IL2RB: variants seen among roughly 807,000 people sequenced by gnomAD.
IL2RB encodes interleukin-2 receptor subunit beta.
In IL2RB, 17 loss-of-function variants were observed where a neutral mutation model predicts 44.2. The observed-to-expected ratio is 0.38, with a 90% CI of 0.26 to 0.58. IL2RB has a LOEUF of 0.58. Ranked by LOEUF, IL2RB falls within the 20% of genes least tolerant of loss-of-function variation. The pLI is 0.63. For missense variants in IL2RB, 624 were observed against 685.5 expected (o/e 0.91, Z 1.00); for synonymous variants, 286 against 297.9 (o/e 0.96, Z 0.41).
At chr22:37,165,077 C>T (rs1024268044) in intron 1 of IL2RB, among the ~76,000 whole-genome samples, 1 of 152,234 alleles carries the variant, frequency 6.6e-6, no homozygotes, top group Non-Finnish European at 1.5e-5. Context: ...CTGACAACAG[C>T]ACTTGCAGAC....
At chr22:37,161,076 A>T (rs1922851054) in intron 1 of IL2RB, among the ~76,000 whole-genome samples, 1 of 152,228 alleles carries the variant, frequency 6.6e-6, no homozygotes, top group African/African-American at 2.4e-5. Flanking sequence ...CGGGAGGTGG[A>T]GGTTGCAGTG....
chr22:37,166,910 C>T (rs1923101746), intron 1 of IL2RB: 1 of 152,076 alleles, frequency 6.6e-6, no homozygotes, highest in Admixed American at 6.6e-5. Context: ...CAGCCGAGAC[C>T]AGCAGACCTG....
intron 1 of IL2RB, among the ~76,000 whole-genome samples, chr22:37,163,732 A>G (rs1240265603): frequency 6.6e-6 from 1 of 152,220 alleles, no homozygotes; most frequent in Non-Finnish European, 1.5e-5. Flanking sequence ...AGTGGAGCAG[A>G]GGGATGCTCG....
intron 1 of IL2RB, among the ~76,000 whole-genome samples, chr22:37,159,855 G>A (rs757847967): frequency 3.3e-5 from 5 of 152,208 alleles, no homozygotes; most frequent in African/African-American, 4.8e-5. Flanking sequence ...CTGGCGTGGG[G>A]GCCACCCGTT....
At position 37,162,887 on chromosome 22, in the gene IL2RB, C is replaced by T. The variant is rs764589335; in HGVS notation, c.-34+12071G>A. Among the ~76,000 whole-genome samples the T allele has an allele frequency of 2.0e-5, 3 of 152,178 alleles. 1 individual carries two copies. The highest frequency in any genetic ancestry group is 7.2e-5 in the African/African-American group (3 of 41,436). ...ACACTCTGCCCAGCAGCCAAACCAC[C>T]AACACCCACACCCCAGCACCAGACC... On this transcript the variant is annotated intron_variant, in intron 1 of 5. Transcript: ENST00000429622.
At chr22:37,162,716 C>T (rs1415263187) in intron 1 of IL2RB, among the ~76,000 whole-genome samples, 1 of 152,084 alleles carries the variant, frequency 6.6e-6, no homozygotes, top group Non-Finnish European at 1.5e-5. Flanking sequence ...AAATCCCTGA[C>T]CCCCACCCCA....
At chr22:37,162,869 G>A (rs1444564991) in intron 1 of IL2RB, among the ~76,000 whole-genome samples, 1 of 151,990 alleles carries the variant, frequency 6.6e-6, no homozygotes, top group Non-Finnish European at 1.5e-5. Flanking sequence ...CTCACACTCT[G>A]CCCAGCAGCC....
At chr22:37,140,471 T>C (rs2146240721) in intron 4 of IL2RB, among the ~76,000 whole-genome samples, 1 of 152,318 alleles carries the variant, frequency 6.6e-6, no homozygotes, top group South Asian at 2.1e-4. Context: ...ATTTCCATTC[T>C]ACAGCTGAGG....
In IL2RB at chr22:37,127,020, A is replaced by G. The variant is rs1234539767; in HGVS notation, c.*1076T>C. The stretch of plus-strand genomic sequence containing the variant: ...GCCAGTGTGCCAGTCCCTGAGCTGC[A>G]GAGGAGACCCCTCCAGTGGAGGGGG... On this transcript the variant is annotated 3_prime_UTR_variant, in exon 10 of 10. Coordinates refer to ENST00000216223, the MANE Select transcript of IL2RB (RefSeq NM_000878.5). 6.6e-6 allele frequency: 1 copy of G among 152,158 alleles called. No individual in the cohort carries two copies. The highest frequency in any genetic ancestry group is 2.4e-5 in the African/African-American group (1 of 41,420). The allele number at this position is 152,158 out of a possible 1,614,324, so 9.4% of individuals were successfully genotyped here.
At chr22:37,166,338 G>A in intron 1 of IL2RB, among the ~76,000 whole-genome samples, 1 of 151,872 alleles carries the variant, frequency 6.6e-6, no homozygotes, top group East Asian at 1.9e-4. Flanking sequence ...CGCCCCCTTT[G>A]AAGGCACTGC....
rs1921640012 is a variant in IL2RB, at chr22:37,135,466, C to T, written c.704-24G>A. 2 of 1,490,390 alleles carry T rather than the reference C, an allele frequency of 1.3e-6. 1 individual carries two copies. Among genetic ancestry groups the T allele is most frequent in the Non-Finnish European group, 1.9e-6 (2 of 1,067,920 alleles). The allele number at this position is 1,490,390 out of a possible 1,614,324, so 92.3% of individuals were successfully genotyped here. A position where few individuals can be genotyped will look rare whatever the true frequency, so the allele number is the denominator to read the frequency against. Reference sequence around the variant, plus strand: ...GGCTGCCCAGGGGTGGGAGAAACAGCAAGGAGAGGGGTTAGAGAAGTGCCC... The same window carrying T: ...GGCTGCCCAGGGGTGGGAGAAACAGTAAGGAGAGGGGTTAGAGAAGTGCCC... On this transcript the variant is annotated intron_variant, in intron 7 of 9. Coordinates refer to ENST00000216223, the MANE Select transcript of IL2RB (RefSeq NM_000878.5).
upstream of IL2RB, chr22:37,149,990 T>A (rs1483890664): frequency 1.2e-6 from 1 of 867,624 alleles, no homozygotes; most frequent in African/African-American, 1.8e-5. Context: ...GGGCAAGGCC[T>A]GGGGTGGAGA....
intron 1 of IL2RB, among the ~76,000 whole-genome samples, chr22:37,172,801 C>T (rs143001118): frequency 2.0e-5 from 3 of 152,306 alleles, no homozygotes; most frequent in Non-Finnish European, 4.4e-5. Context: ...TGCATGCAGT[C>T]GGCTCTGGTG....
At chr22:37,131,796 G>A (rs1056803182) in intron 9 of IL2RB, among the ~76,000 whole-genome samples, 3 of 151,946 alleles carry the variant, frequency 2.0e-5, no homozygotes, top group Non-Finnish European at 4.4e-5. Context: ...GAGTGCAGTG[G>A]TGCCATCTCA....
intron 8 of IL2RB, 73 bp downstream of exon 8, chr22:37,135,255 T>C (rs765941615): frequency 9.1e-5 from 81 of 886,766 alleles, no homozygotes; most frequent in Non-Finnish European, 1.5e-4. Flanking sequence ...TGTGCGTGTG[T>C]GTGCATGTGT....
intron 1 of IL2RB, among the ~76,000 whole-genome samples, chr22:37,161,392 T>C (rs931496897): frequency 3.3e-5 from 5 of 152,160 alleles, no homozygotes; most frequent in African/African-American, 1.2e-4. Flanking sequence ...ATCTTTCTTG[T>C]GTTGGAGTTA....
chr22:37,136,421 C>T lies in IL2RB; in HGVS notation c.538-28G>A, dbSNP rs769648004. 18 of 1,590,224 alleles carry T rather than the reference C, an allele frequency of 1.1e-5. No homozygotes were observed. The Admixed American group carries it at 1.7e-4, about 15-fold the overall frequency. On this transcript the variant is annotated intron_variant, in intron 6 of 9. Coordinates refer to ENST00000216223, the MANE Select transcript of IL2RB (RefSeq NM_000878.5). ...GGGTCGGAGACAGGACTGTCAGCGC[C>T]CACCTCACCTCCCATGGCAGGGCCA...
Position 37,139,138 on chromosome 22 carries a change from C to G in IL2RB, c.367G>C (p.Asp123His), listed in dbSNP as rs776022568. The G allele has an allele frequency of 6.2e-7, 1 of 1,613,172 alleles. No homozygotes were observed. The highest frequency in any genetic ancestry group is 2.2e-5 in the East Asian group (1 of 44,874). Residue 123 changes from aspartate (D) to histidine (H), a missense_variant, in exon 5 of 10, where the codon GAC (aspartate) becomes CAC (histidine). Coordinates refer to ENST00000216223, the MANE Select transcript of IL2RB (RefSeq NM_000878.5). ...GVRWRVMAIQ[D>H]FKPFENLRLM... ...TCACGGTTCTCAAAGGGCTTGAAGT[C>G]CTGGATGGCCATCACCCTCCATCGC... is the stretch of plus-strand genomic sequence containing the variant.
At chr22:37,139,023 G>A (rs926701192) in intron 5 of IL2RB, 94 bp downstream of exon 5, 109 of 806,240 alleles carry the variant, frequency 1.4e-4, no homozygotes, top group South Asian at 6.5e-4. Flanking sequence ...GGAAGCTGCC[G>A]GGGAGAAAGG....
Sources: gnomAD v4.1 joint callset for allele counts (sites outside exome capture counted in the v4.1 genomes callset) on GRCh38, gnomAD v4.1.1 for gene constraint, MANE v1.5 for transcripts, NCBI Gene and HGNC (gene_info 2026-07-23, HGNC 2026-07-21) for gene names.